FHIT: variants seen among roughly 807,000 people sequenced by gnomAD.
FHIT encodes the protein bis(5'-adenosyl)-triphosphatase.
In FHIT, 19 loss-of-function variants were observed where a neutral mutation model predicts 17.9. The observed-to-expected ratio is 1.06, with a 90% CI of 0.74 to 1.56. The LOEUF (loss-of-function observed/expected upper bound fraction) is 1.56, where lower values mean the gene tolerates loss of function less well. FHIT is among the 40% of genes most tolerant of loss of function. The probability of loss-of-function intolerance (pLI) is 0.00; values close to 1 mark genes in which losing one functional copy is unlikely to be tolerated. For missense variants in FHIT, 248 were observed against 189.2 expected, an observed-to-expected ratio of 1.31 and a Z score of -1.82; for synonymous variants, 81 against 69.7, an observed-to-expected ratio of 1.16 and a Z score of -0.81.
chr3:59,833,708 A>T (rs1249533070), intron 8 of FHIT, among the ~76,000 whole-genome samples: 1 of 152,186 alleles, frequency 6.6e-6, no homozygotes. Context: ...CATGAAGGTC[A>T]TTGACAGGGT....
intron 8 of FHIT, among the ~76,000 whole-genome samples, chr3:59,919,386 C>G (rs906558461): frequency 1.1e-4 from 17 of 152,156 alleles, no homozygotes; most frequent in African/African-American, 3.1e-4. Flanking sequence ...CAGATCTGCC[C>G]TCTGGAGCCA....
chr3:60,691,343 AT>A (rs1244065446), intron 4 of FHIT, among the ~76,000 whole-genome samples: 7 of 148,078 alleles, frequency 4.7e-5, no homozygotes, highest in South Asian at 2.1e-4. Flanking sequence ...GAAATTATCA[AT>A]TTTTTTCCCC....
At chr3:60,157,162 C>T (rs1700737310) in intron 5 of FHIT, among the ~76,000 whole-genome samples, 1 of 151,904 alleles carries the variant, frequency 6.6e-6, no homozygotes, top group Non-Finnish European at 1.5e-5. Context: ...GTGCCTCTGC[C>T]AACAATCACT....
intron 5 of FHIT, among the ~76,000 whole-genome samples, chr3:60,168,524 G>C (rs749976875): frequency 6.6e-6 from 1 of 152,176 alleles, no homozygotes; most frequent in Admixed American, 6.5e-5. Flanking sequence ...AGAAGCAGGT[G>C]TCCACTCTGC....
intron 5 of FHIT, among the ~76,000 whole-genome samples, chr3:60,261,975 C>G (rs1251934763): frequency 1.3e-5 from 2 of 152,026 alleles, no homozygotes; most frequent in Non-Finnish European, 2.9e-5. Context: ...CTTTTATCCT[C>G]CTATAATATT....
intron 1 of FHIT, among the ~76,000 whole-genome samples, chr3:61,234,463 G>A (rs1315910328): frequency 6.6e-6 from 1 of 152,082 alleles, no homozygotes; most frequent in Non-Finnish European, 1.5e-5. Context: ...ATATATTGAC[G>A]AGTGAAAACA....
intron 5 of FHIT, among the ~76,000 whole-genome samples, chr3:60,303,979 T>A (rs1708557242): frequency 6.6e-6 from 1 of 152,104 alleles, no homozygotes; most frequent in South Asian, 2.1e-4. Flanking sequence ...TCCAATGAGA[T>A]GGGAATTCTT....
chr3:60,681,263 G>A (rs1200970159), intron 4 of FHIT, among the ~76,000 whole-genome samples: 1 of 152,120 alleles, frequency 6.6e-6, no homozygotes, highest in African/African-American at 2.4e-5. Flanking sequence ...TGTGATCAGT[G>A]ATCTTAGATG....
At chr3:60,733,432 T>TTTTTGTTTTGTTTTG in intron 4 of FHIT, among the ~76,000 whole-genome samples, 1 of 152,282 alleles carries the variant, frequency 6.6e-6, no homozygotes, top group Non-Finnish European at 1.5e-5. Flanking sequence ...ATTTGTGTGG[T>TTTTTGTTTTGTTTTG]TTTTGTTTTG....
intron 5 of FHIT, among the ~76,000 whole-genome samples, chr3:60,208,713 C>A (rs185319193): frequency 8.1e-4 from 124 of 152,270 alleles, no homozygotes; most frequent in African/African-American, 2.8e-3. Context: ...TGTTTGCAGA[C>A]TATAAAAGTA....
At chr3:61,167,019 G>A (rs1576137503) in intron 2 of FHIT, 2 of 152,168 alleles carry the variant, frequency 1.3e-5, no homozygotes, top group Non-Finnish European at 2.9e-5. Flanking sequence ...TCCAGACAGG[G>A]TGGTCCAAGG....
intron 3 of FHIT, among the ~76,000 whole-genome samples, chr3:61,012,138 T>C (rs2031826372): frequency 6.6e-6 from 1 of 152,168 alleles, no homozygotes; most frequent in Non-Finnish European, 1.5e-5. Flanking sequence ...AAAATCATAT[T>C]TGCAGAGGTA....
intron 5 of FHIT, among the ~76,000 whole-genome samples, chr3:60,307,454 A>G (rs559137818): frequency 6.6e-6 from 1 of 152,326 alleles, no homozygotes; most frequent in South Asian, 2.1e-4. Flanking sequence ...ACAGGGGAAT[A>G]TGAACTGGAA....
chr3:61,076,530 C>A (rs540169052), intron 2 of FHIT, among the ~76,000 whole-genome samples: 1 of 152,220 alleles, frequency 6.6e-6, no homozygotes, highest in East Asian at 1.9e-4. Flanking sequence ...TTTCTAAGGA[C>A]AAATAGGCTA....
rs112448079 is a variant in FHIT, at chr3:60,679,504, G to A, written c.-18+142415C>T. Among the ~76,000 whole-genome samples, 794 of 151,730 alleles carry A rather than the reference G, an allele frequency of 5.2e-3. 8 individuals carry two copies. Among genetic ancestry groups the A allele is most frequent in the Non-Finnish European group, 8.3e-3 (566 of 67,918 alleles). On this transcript the variant is annotated intron_variant, in intron 4 of 9. Coordinates refer to ENST00000492590, the MANE Select transcript of FHIT (RefSeq NM_002012.4). ...TTTGTTTAATTTTTAAACCAAATTC[G>A]GATTACATAGCAATGCAATTTTCCC...
At position 60,815,642 on chromosome 3, in the gene FHIT, G is replaced by A. The variant is rs1051367015; in HGVS notation, c.-18+6277C>T. On this transcript the variant is annotated intron_variant, in intron 4 of 9. Transcript: ENST00000492590. ...CTGGTTTGGTTACTGTAGCCTTGTA[G>A]TATAGCTTGGAGTTGGAAAATGTGT... 2.6e-5 allele frequency among the ~76,000 whole-genome samples: 4 copies of A among 152,086 alleles called. No individual in the cohort carries two copies. The South Asian group carries it at 6.2e-4, about 24-fold the overall frequency.
At chr3:60,005,147 A>C (rs1207573802) in intron 7 of FHIT, among the ~76,000 whole-genome samples, 2 of 152,156 alleles carry the variant, frequency 1.3e-5, no homozygotes, top group East Asian at 3.9e-4. Context: ...TCCCTGCTTC[A>C]GGATCTCTCT....
intron 2 of FHIT, among the ~76,000 whole-genome samples, chr3:61,104,738 C>T (rs1220361905): frequency 6.6e-6 from 1 of 152,076 alleles, no homozygotes; most frequent in African/African-American, 2.4e-5. Context: ...TCACATAATC[C>T]CATATTTCTC....
intron 7 of FHIT, among the ~76,000 whole-genome samples, chr3:59,960,078 G>A (rs949507650): frequency 6.6e-6 from 1 of 152,150 alleles, no homozygotes; most frequent in East Asian, 1.9e-4. Flanking sequence ...ATATTAAGGT[G>A]CATAGGGTGG....
Sources: allele counts gnomAD v4.1 joint callset (sites outside exome capture counted in the v4.1 genomes callset), GRCh38; gene constraint gnomAD v4.1.1; transcripts MANE v1.5; gene names NCBI Gene and HGNC (gene_info 2026-07-23, HGNC 2026-07-21).